The following ACADM variants were observed in gnomAD, a reference collection of about 807,000 sequenced individuals.
The protein encoded by ACADM is acyl-CoA dehydrogenase medium chain.
In ACADM, 49 loss-of-function variants were observed where a neutral mutation model predicts 58.9. The observed-to-expected ratio is 0.83, with a 90% CI of 0.66 to 1.06. The LOEUF is 1.06. ACADM is among the 50% of genes least tolerant of loss of function. The pLI is 0.00. For missense variants in ACADM, 496 were observed against 507.0 expected (o/e 0.98, Z 0.21); for synonymous variants, 160 against 157.7 (o/e 1.01, Z -0.11).
In ACADM at chr1:75,749,552, G is replaced by C. The variant is rs121434282; in HGVS notation, c.842G>C (p.Arg281Thr). ...KVAMGAFDKT[R>T]PVVAAGAVGL... ...GCAATGGGAGCTTTTGATAAAACCA[G>C]ACCTGTAGTAAGTAATATGGGTTCA... The change falls in exon 9 of 12, where the codon AGA becomes ACA. Residue 281 changes from arginine to threonine, a missense_variant. Physicochemically the swap from Arg to Thr is moderately conservative, Grantham distance 71. Coordinates refer to ENST00000370841, the MANE Select transcript of ACADM (RefSeq NM_000016.6). 1.9e-6 allele frequency: 3 copies of C among 1,613,816 alleles called. No individual in the cohort carries two copies. The highest frequency in any genetic ancestry group is 2.5e-6 in the Non-Finnish European group (3 of 1,179,790).
At chr1:75,734,344 T>G (rs1235177319) in intron 5 of ACADM, among the ~76,000 whole-genome samples, 1 of 150,204 alleles carries the variant, frequency 6.7e-6, no homozygotes, top group Non-Finnish European at 1.5e-5. Context: ...TTTTTTTTTT[T>G]TTTTGTATTT....
At chr1:75,725,442 C>T (rs1446768290) in intron 1 of ACADM, among the ~76,000 whole-genome samples, 2 of 152,140 alleles carry the variant, frequency 1.3e-5, no homozygotes, top group African/African-American at 4.8e-5. Flanking sequence ...AAAAAAGCTG[C>T]GGTTTTAGAA....
chr1:75,760,128 G>GA (rs1238284810), intron 10 of ACADM, among the ~76,000 whole-genome samples: 2 of 150,200 alleles, frequency 1.3e-5, no homozygotes, highest in East Asian at 2.0e-4. Context: ...TATTTAAAAA[G>GA]AAAAAAAAGA....
intron 4 of ACADM, chr1:75,733,140 C>T (rs1337331309): frequency 6.2e-7 from 1 of 1,612,652 alleles, no homozygotes; most frequent in Non-Finnish European, 8.5e-7. Flanking sequence ...TAACTTGCAC[C>T]TAAACCTTGG....
chr1:75,744,844 A>G (rs1647800732), intron 7 of ACADM: 1 of 453,442 alleles, frequency 2.2e-6, no homozygotes, highest in African/African-American at 2.0e-5. Flanking sequence ...CCTTTTCAAG[A>G]TAGCATGCCC....
At chr1:75,762,131 A>G (rs1435321933) in intron 11 of ACADM, among the ~76,000 whole-genome samples, 2 of 152,228 alleles carry the variant, frequency 1.3e-5, no homozygotes, top group Admixed American at 1.3e-4. Flanking sequence ...GCCTTTAATT[A>G]TAATTATTAC....
At chr1:75,737,201 G>A (rs1647296452) in intron 6 of ACADM, among the ~76,000 whole-genome samples, 1 of 146,484 alleles carries the variant, frequency 6.8e-6, no homozygotes, top group South Asian at 2.2e-4. Flanking sequence ...GGGAAGCCAA[G>A]GCAGGAGGAT....
chr1:75,744,653 A>C, intron 7 of ACADM: 1 of 915,276 alleles, frequency 1.1e-6, no homozygotes, highest in Non-Finnish European at 1.8e-6. Flanking sequence ...CTGTTAGGGT[A>C]ACCTGGTCCC....
intron 10 of ACADM, among the ~76,000 whole-genome samples, chr1:75,756,688 C>CT: frequency 6.6e-6 from 1 of 152,316 alleles, no homozygotes; most frequent in Non-Finnish European, 1.5e-5. Context: ...CAATGACTTT[C>CT]TTCACAGAAT....
chr1:75,756,863 T>C (rs769753794), intron 10 of ACADM, among the ~76,000 whole-genome samples: 8 of 152,182 alleles, frequency 5.3e-5, no homozygotes, highest in Non-Finnish European at 8.8e-5. Context: ...AAAACAGATA[T>C]ATAGACAAAT....
chr1:75,740,320 G>T (rs1647497666), intron 7 of ACADM, among the ~76,000 whole-genome samples: 1 of 152,166 alleles, frequency 6.6e-6, no homozygotes, highest in South Asian at 2.1e-4. Context: ...GAAGTTTAAT[G>T]TGTAAAATAA....
At chr1:75,728,818 A>T (rs1647097631) in intron 2 of ACADM, among the ~76,000 whole-genome samples, 1 of 152,208 alleles carries the variant, frequency 6.6e-6, no homozygotes, top group Non-Finnish European at 1.5e-5. Flanking sequence ...CCACAAATAC[A>T]TTTTAAAAAC....
At chr1:75,737,599 GTA>G (rs1237151774) in intron 6 of ACADM, among the ~76,000 whole-genome samples, 1 of 151,970 alleles carries the variant, frequency 6.6e-6, no homozygotes, top group African/African-American at 2.4e-5. Context: ...AGGTAGCAGA[GTA>G]ATCTAGTTCA....
At chr1:75,744,150 G>A (rs1485803517) in intron 7 of ACADM, 44 of 1,576,096 alleles carry the variant, frequency 2.8e-5, no homozygotes, top group Non-Finnish European at 3.8e-5. Context: ...GGCTCAGCTA[G>A]TGGTGGGACA....
intron 10 of ACADM, among the ~76,000 whole-genome samples, chr1:75,760,837 T>C (rs934829533): frequency 6.6e-6 from 1 of 152,158 alleles, no homozygotes; most frequent in African/African-American, 2.4e-5. Context: ...CATGGCACTA[T>C]GGTTTGGTAA....
intron 5 of ACADM, 188 bp from the exon 6 acceptor site, chr1:75,734,603 T>G (rs1570865893): frequency 3.5e-6 from 2 of 573,648 alleles, no homozygotes; most frequent in East Asian, 6.0e-5. Context: ...TATAACCTAA[T>G]TTTATGAAAA....
intron 7 of ACADM, chr1:75,744,195 A>C: frequency 6.4e-7 from 1 of 1,573,840 alleles, no homozygotes; most frequent in South Asian, 1.1e-5. Flanking sequence ...GGTTTGCTAG[A>C]AGGAGGTTGT....
At chr1:75,759,796 G>GTATT (rs990423405) in intron 10 of ACADM, among the ~76,000 whole-genome samples, 2 of 151,580 alleles carry the variant, frequency 1.3e-5, no homozygotes, top group African/African-American at 4.8e-5. Flanking sequence ...TGAGTAGCTG[G>GTATT]TATTACAAGC....
chr1:75,745,946 ATAT>A (rs765976683), intron 8 of ACADM, 32 bp downstream of exon 8: 5 of 1,456,936 alleles, frequency 3.4e-6, no homozygotes, highest in Non-Finnish European at 4.8e-6. Flanking sequence ...AGGGCCCCAA[ATAT>A]TATTTTAATT....
Sources: gnomAD v4.1 joint callset for allele counts (sites outside exome capture counted in the v4.1 genomes callset) on GRCh38, gnomAD v4.1.1 for gene constraint, MANE v1.5 for transcripts, NCBI Gene and HGNC (gene_info 2026-07-23, HGNC 2026-07-21) for gene names.